Variants in MAST4 observed in about 807,000 individuals in gnomAD.
The protein encoded by MAST4 is microtubule associated serine/threonine kinase family member 4, also known as microtubule-associated serine/threonine-protein kinase 4.
In MAST4, 89 loss-of-function variants were observed where a neutral mutation model predicts 162.7. That is an observed-to-expected ratio of 0.55 (90% confidence interval 0.46 to 0.65). The LOEUF is 0.65. MAST4 is among the 30% of genes least tolerant of loss of function. MAST4 has a pLI of 0.00. For missense variants in MAST4, 3,153 were observed against 3,374.0 expected (o/e 0.93, Z 1.62); for synonymous variants, 1,479 against 1,361.1 (o/e 1.09, Z -1.91).
At chr5:66,705,414 A>G (rs775448841) in intron 1 of MAST4, among the ~76,000 whole-genome samples, 1 of 152,204 alleles carries the variant, frequency 6.6e-6, no homozygotes, top group Non-Finnish European at 1.5e-5. Context: ...TTTTTTAAAG[A>G]TAAAAACAAA....
chr5:67,165,282 G>C lies in MAST4; in HGVS notation c.6103G>C (p.Ala2035Pro). Residue 2035 changes from alanine (A) to proline (P), a missense_variant, in exon 29 of 29, where the codon GCA (alanine) becomes CCA (proline). Transcript: ENST00000403625. ...TACACAGACCCAGGCCATGGAGAAA[G>C]CATGGGCGCCGGGTGGGAAAACGAA... is the stretch of plus-strand genomic sequence containing the variant. ...FYTQTQAMEKAWAPGGKTNHK... is the reference protein window; with the variant it reads ...FYTQTQAMEKPWAPGGKTNHK... The C allele has an allele frequency of 6.2e-7, 1 of 1,613,450 alleles. No individual in the cohort carries two copies. Among genetic ancestry groups the C allele is most frequent in the Non-Finnish European group, 8.5e-7 (1 of 1,179,876 alleles).
intron 1 of MAST4, among the ~76,000 whole-genome samples, chr5:66,731,230 TG>T (rs926376800): frequency 6.7e-6 from 1 of 149,184 alleles, no homozygotes; most frequent in African/African-American, 2.6e-5. Context: ...AAAGTAGCAT[TG>T]GGTGCAGCTT....
chr5:66,654,077 AT>A (rs1746395603), intron 1 of MAST4, among the ~76,000 whole-genome samples: 1 of 152,196 alleles, frequency 6.6e-6, no homozygotes, highest in Non-Finnish European at 1.5e-5. Context: ...GTGCTTACAG[AT>A]TAGGGAAGGA....
At chr5:67,031,842 G>C (rs73115769) in intron 4 of MAST4, among the ~76,000 whole-genome samples, 5,916 of 152,100 alleles carry the variant, frequency 0.039, 370 homozygotes, top group African/African-American at 0.13. Flanking sequence ...CTCCCTGCTG[G>C]GTCAGTTTTT....
At chr5:66,944,665 C>A (rs1743772772) in intron 4 of MAST4, among the ~76,000 whole-genome samples, 1 of 152,020 alleles carries the variant, frequency 6.6e-6, no homozygotes, top group African/African-American at 2.4e-5. Context: ...TTATTAGTTT[C>A]TTATTGCTGT....
chr5:66,924,564 C>T (rs544173513), intron 4 of MAST4, among the ~76,000 whole-genome samples: 3 of 151,938 alleles, frequency 2.0e-5, no homozygotes, highest in Admixed American at 2.0e-4. Flanking sequence ...CACCACCGCG[C>T]CCGGCTAATT....
At chr5:67,024,342 C>T (rs1754361338) in intron 4 of MAST4, among the ~76,000 whole-genome samples, 2 of 142,384 alleles carry the variant, frequency 1.4e-5, no homozygotes, top group African/African-American at 5.9e-5. Flanking sequence ...TATATACACA[C>T]ACACACACAC....
At chr5:66,715,433 C>T (rs574916257) in intron 1 of MAST4, among the ~76,000 whole-genome samples, 1 of 147,268 alleles carries the variant, frequency 6.8e-6, no homozygotes, top group Non-Finnish European at 1.5e-5. Context: ...ACAGCTATCA[C>T]AACACTTCTT....
At chr5:67,132,956 A>T (rs1017190287) in intron 16 of MAST4, among the ~76,000 whole-genome samples, 14 of 152,268 alleles carry the variant, frequency 9.2e-5, no homozygotes, top group African/African-American at 3.1e-4. Context: ...TATACTATTT[A>T]AACTTTTTAT....
At chr5:67,104,134 T>C (rs1252891278) in intron 9 of MAST4, among the ~76,000 whole-genome samples, 5 of 152,310 alleles carry the variant, frequency 3.3e-5, no homozygotes, top group South Asian at 2.1e-4. Flanking sequence ...CCAACATGCA[T>C]TAGGGTTCAT....
At chr5:66,620,601 A>T (rs896878397) in intron 1 of MAST4, among the ~76,000 whole-genome samples, 10 of 152,224 alleles carry the variant, frequency 6.6e-5, no homozygotes, top group Admixed American at 5.2e-4. Flanking sequence ...TAGCTCTGTG[A>T]GCAGTAGTCT....
At chr5:66,683,558 AGTAAT>A (rs1748459637) in intron 1 of MAST4, among the ~76,000 whole-genome samples, 1 of 152,180 alleles carries the variant, frequency 6.6e-6, no homozygotes, top group Admixed American at 6.5e-5. Context: ...GTTTACCAAA[AGTAAT>A]GTAAGATGAA....
intron 1 of MAST4, among the ~76,000 whole-genome samples, chr5:66,680,982 G>A (rs1580180253): frequency 6.6e-6 from 1 of 152,158 alleles, no homozygotes; most frequent in African/African-American, 2.4e-5. Flanking sequence ...GGTGGCACAT[G>A]CCTTTGGCCA....
chr5:66,845,268 A>AT (rs983096292), intron 3 of MAST4, among the ~76,000 whole-genome samples: 3 of 151,016 alleles, frequency 2.0e-5, no homozygotes, highest in Non-Finnish European at 3.0e-5. Context: ...TCCCTCACCC[A>AT]TCCCTCCACC....
At chr5:66,911,890 T>C (rs1389946616) in intron 4 of MAST4, among the ~76,000 whole-genome samples, 1 of 152,064 alleles carries the variant, frequency 6.6e-6, no homozygotes, top group African/African-American at 2.4e-5. Flanking sequence ...GCAGAAAAAA[T>C]GATTTTTAAC....
intron 1 of MAST4, among the ~76,000 whole-genome samples, chr5:66,599,907 A>G (rs1180446804): frequency 2.1e-5 from 3 of 142,880 alleles, no homozygotes; most frequent in African/African-American, 8.3e-5. Context: ...GAAATTGATT[A>G]TTTCTAAAGG....
At chr5:66,807,207 G>C (rs560702719) in intron 3 of MAST4, among the ~76,000 whole-genome samples, 1 of 152,288 alleles carries the variant, frequency 6.6e-6, no homozygotes, top group East Asian at 1.9e-4. Context: ...ACTTAAAAAT[G>C]TACAATTGGC....
In MAST4 at chr5:67,163,642, G is replaced by T. The variant is rs768981890; in HGVS notation, c.4463G>T (p.Ser1488Ile). 3.7e-6 allele frequency: 6 copies of T among 1,607,664 alleles called. No homozygotes were observed. Among genetic ancestry groups the T allele is most frequent in the Non-Finnish European group, 5.1e-6 (6 of 1,177,660 alleles). ...EQSQREAPLQ[S>I]LDENVCDVPP... is the part of the protein sequence containing the mutation. ...TCCCAGCGGGAGGCGCCGCTGCAGA[G>T]CCTGGATGAGAACGTGTGCGACGTG... Residue 1488 changes from serine to isoleucine, a missense_variant, in exon 29 of 29, where the codon AGC (serine) becomes ATC (isoleucine). By Grantham distance (142) the Ser-to-Ile change is moderately radical (BLOSUM62 -2). Around this residue, in one of 7 missense-constraint regions of MAST4, gnomAD observed 1,644 missense variants for 1,495.0 expected, o/e 1.10. Coordinates refer to ENST00000403625, the MANE Select transcript of MAST4 (RefSeq NM_001164664.2). The surrounding 1 kb of genome is among the most constrained non-coding windows in gnomAD (Gnocchi z 7.0).
At chr5:66,613,976 A>T (rs1160176879) in intron 1 of MAST4, among the ~76,000 whole-genome samples, 1 of 152,244 alleles carries the variant, frequency 6.6e-6, no homozygotes, top group Non-Finnish European at 1.5e-5. Context: ...CCCAAAAGCC[A>T]TGCAAATTTA....
Sources: allele counts gnomAD v4.1 joint callset (sites outside exome capture counted in the v4.1 genomes callset), GRCh38; gene constraint gnomAD v4.1.1; regional missense constraint gnomAD v4.1.1; non-coding constraint Gnocchi (gnomAD v3.1); transcripts MANE v1.5; gene names NCBI Gene and HGNC (gene_info 2026-07-23, HGNC 2026-07-21).